AVPI1: variants seen among roughly 807,000 people sequenced by gnomAD.
The protein encoded by AVPI1 is arginine vasopressin induced 1.
In AVPI1, 9 loss-of-function variants were observed where a neutral mutation model predicts 11.9. The ratio of observed to expected loss-of-function variants is 0.76; its 90% confidence interval spans 0.46 to 1.32. AVPI1 has a LOEUF of 1.32. AVPI1 is among the 40% of genes most tolerant of loss of function. The pLI is 0.00. For missense variants in AVPI1, 207 were observed against 195.8 expected, an observed-to-expected ratio of 1.06 and a Z score of -0.34; for synonymous variants, 68 against 78.1, an observed-to-expected ratio of 0.87 and a Z score of 0.68.
chr10:97,678,470 A>G (rs2041678097), intron 2 of AVPI1, among the ~76,000 whole-genome samples: 2 of 152,160 alleles, frequency 1.3e-5, no homozygotes, highest in Non-Finnish European at 2.9e-5. Flanking sequence ...AGCATCACCC[A>G]TAGTGATTGG....
At chr10:97,684,497 C>CTTTTT (rs5787253) in intron 1 of AVPI1, among the ~76,000 whole-genome samples, 2 of 117,568 alleles carry the variant, frequency 1.7e-5, no homozygotes, top group Non-Finnish European at 1.7e-5. Flanking sequence ...TCTTTTTACT[C>CTTTTT]TTTTTTTTTT....
At chr10:97,684,015 T>C (rs1589944763) in intron 1 of AVPI1, among the ~76,000 whole-genome samples, 1 of 152,204 alleles carries the variant, frequency 6.6e-6, no homozygotes, top group African/African-American at 2.4e-5. Flanking sequence ...AGGGGCAATG[T>C]GTGGACAGGT....
intron 2 of AVPI1, among the ~76,000 whole-genome samples, chr10:97,678,880 GGTGTGTGTGTGTGT>G (rs1255604041): frequency 1.8e-5 from 2 of 113,438 alleles, no homozygotes; most frequent in Admixed American, 9.8e-5. Context: ...GCGGGGGGAG[GGTGTGTGTGTGTGT>G]GTGTGTGTGT....
At chr10:97,681,354 G>A (rs963225697) in intron 1 of AVPI1, among the ~76,000 whole-genome samples, 1 of 151,866 alleles carries the variant, frequency 6.6e-6, no homozygotes, top group Non-Finnish European at 1.5e-5. Context: ...GAGGTGAGGC[G>A]GGCGGATCAC....
intron 2 of AVPI1, among the ~76,000 whole-genome samples, chr10:97,678,871 CGGGGGG>C (rs1218885476): frequency 2.0e-5 from 2 of 101,072 alleles, no homozygotes; most frequent in East Asian, 6.7e-4. Context: ...TTTTTTTTGG[CGGGGGG>C]AGGGTGTGTG....
chr10:97,684,372 G>A (rs955966987), intron 1 of AVPI1, among the ~76,000 whole-genome samples: 2 of 152,060 alleles, frequency 1.3e-5, no homozygotes, highest in African/African-American at 4.8e-5. Flanking sequence ...CAGCTTCAGC[G>A]AGCTGCGAGT....
intron 2 of AVPI1, among the ~76,000 whole-genome samples, chr10:97,678,374 C>G (rs1233343592): frequency 6.6e-6 from 1 of 152,222 alleles, no homozygotes; most frequent in Non-Finnish European, 1.5e-5. Flanking sequence ...CTTGCCATCT[C>G]AGGACCTGAT....
At chr10:97,684,625 C>G (rs2041720286) in intron 1 of AVPI1, among the ~76,000 whole-genome samples, 1 of 151,888 alleles carries the variant, frequency 6.6e-6, no homozygotes, top group South Asian at 2.1e-4. Flanking sequence ...AACAACCTCC[C>G]AAGTAGCTGG....
Position 97,679,815 on chromosome 10 carries a change from A to G in AVPI1, c.91T>C (p.Phe31Leu), listed in dbSNP as rs950983156. The part of the protein sequence containing the change: ...RGRKQASANI[F>L]QDAELLQIQA... ...ATCTGCAGCAGCTCGGCGTCCTGGA[A>G]GATGTTGGCCGAGGCCTGCTTGCGG... Residue 31 changes from phenylalanine (F) to leucine (L), a missense_variant, in exon 2 of 3, where the codon TTC becomes CTC. Coordinates refer to ENST00000370626, the MANE Select transcript of AVPI1 (RefSeq NM_021732.3). 5.6e-6 allele frequency: 9 copies of G among 1,612,734 alleles called. No homozygotes were observed. The highest frequency in any genetic ancestry group is 7.6e-6 in the Non-Finnish European group (9 of 1,179,814).
In AVPI1 at chr10:97,679,600, T is replaced by G; in HGVS notation, c.287+19A>C. ...GGCATTAGTGCTCTTCCCTCAGCCATCCGGTTCTAGGAACCTACCTGAGGC... is the reference window on the plus strand; with the variant it reads ...GGCATTAGTGCTCTTCCCTCAGCCAGCCGGTTCTAGGAACCTACCTGAGGC... On this transcript the variant is annotated intron_variant, in intron 2 of 2. Transcript: ENST00000370626. 6.3e-7 allele frequency: 1 copy of G among 1,596,826 alleles called. No individual in the cohort carries two copies. The highest frequency in any genetic ancestry group is 8.5e-7 in the Non-Finnish European group (1 of 1,170,458).
chr10:97,686,007 G>T (rs1589945341), intron 1 of AVPI1, among the ~76,000 whole-genome samples: 1 of 152,162 alleles, frequency 6.6e-6, no homozygotes, highest in Non-Finnish European at 1.5e-5. Flanking sequence ...ATAAGGCCAG[G>T]CCTGGTGGCT....
At chr10:97,685,979 G>T (rs2041726559) in intron 1 of AVPI1, among the ~76,000 whole-genome samples, 2 of 152,064 alleles carry the variant, frequency 1.3e-5, no homozygotes, top group African/African-American at 4.8e-5. Context: ...GCCACAAGTT[G>T]CTCGTCATCA....
chr10:97,678,546 C>T (rs1279159484), intron 2 of AVPI1, among the ~76,000 whole-genome samples: 2 of 152,146 alleles, frequency 1.3e-5, no homozygotes, highest in Non-Finnish European at 2.9e-5. Context: ...GTGGCCTAGG[C>T]AAAGAAGTGG....
At position 97,677,756 on chromosome 10, in the gene AVPI1, C is replaced by G. The variant is rs2041673028; in HGVS notation, c.*113G>C. 1.5e-6 allele frequency: 2 copies of G among 1,298,372 alleles called. No homozygotes were observed. Among genetic ancestry groups the G allele is most frequent in the South Asian group, 1.4e-5 (1 of 70,164 alleles). 80.4% of individuals were successfully genotyped at this position (1,298,372 alleles called of 1,614,324 possible). A position where few individuals can be genotyped will look rare whatever the true frequency, so the allele number is the denominator to read the frequency against. On this transcript the variant is annotated 3_prime_UTR_variant, in exon 3 of 3. Transcript: ENST00000370626. ...GAATGGAGCAGGTCAGTGGCAGCAGCCTCTTGCTTTCATTTACCCCTTTGG... is the reference window on the plus strand; with the variant it reads ...GAATGGAGCAGGTCAGTGGCAGCAGGCTCTTGCTTTCATTTACCCCTTTGG...
chr10:97,680,480 C>T (rs2041698267), intron 1 of AVPI1, among the ~76,000 whole-genome samples: 2 of 152,192 alleles, frequency 1.3e-5, no homozygotes, highest in Admixed American at 1.3e-4. Context: ...TGCTAAGGCC[C>T]AGGTGCCGTA....
chr10:97,682,090 G>A (rs989244361), intron 1 of AVPI1, among the ~76,000 whole-genome samples: 3 of 152,150 alleles, frequency 2.0e-5, no homozygotes, highest in Admixed American at 6.5e-5. Context: ...TGACTTAAGC[G>A]TCCCACGGAG....
intron 1 of AVPI1, 87 bp downstream of exon 1, chr10:97,686,679 G>A (rs1421215456): frequency 6.6e-6 from 1 of 152,266 alleles, no homozygotes; most frequent in Non-Finnish European, 1.5e-5. Context: ...GGAAGGAGCA[G>A]GGAGGGATCC....
At chr10:97,682,764 T>A (rs2135772319) in intron 1 of AVPI1, among the ~76,000 whole-genome samples, 1 of 152,326 alleles carries the variant, frequency 6.6e-6, no homozygotes, top group South Asian at 2.1e-4. Context: ...TGCAGAAGAC[T>A]TCCAGATGAG....
At chr10:97,678,944 T>TCGCC (rs1564779863) in intron 2 of AVPI1, among the ~76,000 whole-genome samples, 2 of 50,330 alleles carry the variant, frequency 4.0e-5, no homozygotes, top group African/African-American at 1.7e-4. Context: ...TGTGTGTGTG[T>TCGCC]GTGTGTGTGT....
Sources: allele counts gnomAD v4.1 joint callset (sites outside exome capture counted in the v4.1 genomes callset), GRCh38; gene constraint gnomAD v4.1.1; transcripts MANE v1.5; gene names NCBI Gene and HGNC (gene_info 2026-07-23, HGNC 2026-07-21).